Variants in PPM1B observed in about 807,000 individuals in gnomAD.
PPM1B encodes the protein protein phosphatase 1B.
Under a neutral mutation model 43.0 loss-of-function variants are expected in PPM1B, and 22 were observed. The observed-to-expected ratio is 0.51, with a 90% CI of 0.37 to 0.73. The LOEUF is 0.73. Ranked by LOEUF, PPM1B falls within the 30% of genes least tolerant of loss-of-function variation. The pLI, the probability that PPM1B is intolerant of heterozygous loss-of-function variation, is 0.00. For missense variants in PPM1B, 632 were observed against 584.2 expected, an observed-to-expected ratio of 1.08 and a Z score of -0.84; for synonymous variants, 217 against 197.9, an observed-to-expected ratio of 1.10 and a Z score of -0.81.
At chr2:44,193,610 C>T (rs867366894) in intron 1 of PPM1B, among the ~76,000 whole-genome samples, 5 of 140,444 alleles carry the variant, frequency 3.6e-5, no homozygotes, top group Admixed American at 2.3e-4. Context: ...GACAGAGTCT[C>T]GCTCCATTGC....
chr2:44,221,674 G>T (rs1253441041), intron 5 of PPM1B, among the ~76,000 whole-genome samples: 2 of 152,146 alleles, frequency 1.3e-5, no homozygotes, highest in African/African-American at 4.8e-5. Context: ...TTAGACTCCT[G>T]AATGTCTGCT....
chr2:44,198,027 T>G (rs1239360617), intron 1 of PPM1B, among the ~76,000 whole-genome samples: 1 of 152,196 alleles, frequency 6.6e-6, no homozygotes, highest in Non-Finnish European at 1.5e-5. Flanking sequence ...AGGAAGCAGA[T>G]GGGATTGACA....
chr2:44,200,113 A>G (rs1243676900), intron 1 of PPM1B, among the ~76,000 whole-genome samples: 1 of 152,246 alleles, frequency 6.6e-6, no homozygotes, highest in Non-Finnish European at 1.5e-5. Context: ...TTGAGCAGAT[A>G]TAACAGCAAA....
intron 2 of PPM1B, among the ~76,000 whole-genome samples, chr2:44,204,465 C>G (rs1170467022): frequency 6.6e-6 from 1 of 152,106 alleles, no homozygotes; most frequent in East Asian, 1.9e-4. Flanking sequence ...ACTTGTCATA[C>G]TTTCATAATT....
At chr2:44,223,974 CATG>C (rs1243402419) in intron 5 of PPM1B, among the ~76,000 whole-genome samples, 1 of 151,984 alleles carries the variant, frequency 6.6e-6, no homozygotes, top group African/African-American at 2.4e-5. Context: ...TTAAATTTGA[CATG>C]ATTCTTCAAG....
chr2:44,184,719 T>C (rs115489025), intron 1 of PPM1B, among the ~76,000 whole-genome samples: 552 of 152,228 alleles, frequency 3.6e-3, no homozygotes, highest in African/African-American at 0.013. Flanking sequence ...AAATCAGGGA[T>C]TCTTAAGCTG....
intron 5 of PPM1B, among the ~76,000 whole-genome samples, chr2:44,221,536 G>A (rs532064853): frequency 6.6e-6 from 1 of 152,152 alleles, no homozygotes; most frequent in African/African-American, 2.4e-5. Flanking sequence ...ATGAAAGTAT[G>A]CTAGAATTAC....
chr2:44,197,201 G>A (rs1380352546), intron 1 of PPM1B, among the ~76,000 whole-genome samples: 2 of 152,004 alleles, frequency 1.3e-5, no homozygotes, highest in Admixed American at 1.3e-4. Flanking sequence ...GCTCACTGCA[G>A]CCTCAACCTC....
At chr2:44,208,188 T>TA (rs979016143) in intron 2 of PPM1B, among the ~76,000 whole-genome samples, 13 of 152,036 alleles carry the variant, frequency 8.6e-5, no homozygotes, top group Non-Finnish European at 1.6e-4. Context: ...GTGCCCAGTG[T>TA]ATGCTTCCTT....
At chr2:44,190,072 G>A (rs1668330935) in intron 1 of PPM1B, among the ~76,000 whole-genome samples, 1 of 151,966 alleles carries the variant, frequency 6.6e-6, no homozygotes. Flanking sequence ...CTACCATTGG[G>A]CATTGTGGAC....
Position 44,230,625 on chromosome 2 carries a change from G to A in PPM1B, c.1347G>A (p.Met449Ile), listed in dbSNP as rs1276642724. The A allele has an allele frequency of 6.2e-7, 1 of 1,614,056 alleles. No homozygotes were observed. Among genetic ancestry groups the A allele is most frequent in the Non-Finnish European group, 8.5e-7 (1 of 1,180,014 alleles). ...SNSDAGNPVTMQESHTESESG... is the reference protein window; with the variant it reads ...SNSDAGNPVTIQESHTESESG... ...GTGATGCTGGAAACCCAGTGACAATGCAGGAAAGCCATACTGAATCAGAAA... is the reference window on the plus strand; with the variant it reads ...GTGATGCTGGAAACCCAGTGACAATACAGGAAAGCCATACTGAATCAGAAA... The change falls in exon 6 of 6, where the codon ATG becomes ATA. Residue 449 changes from methionine (M) to isoleucine (I), a missense_variant. Coordinates refer to ENST00000282412, the MANE Select transcript of PPM1B (RefSeq NM_002706.6).
chr2:44,210,326 C>T (rs940568848), intron 3 of PPM1B, among the ~76,000 whole-genome samples: 2 of 151,142 alleles, frequency 1.3e-5, no homozygotes, highest in Admixed American at 1.3e-4. Flanking sequence ...AAGTGATCCT[C>T]TCACCTCAGC....
At chr2:44,169,941 TTAAGAG>T (rs60116527) in intron 1 of PPM1B, among the ~76,000 whole-genome samples, 6,787 of 152,212 alleles carry the variant, frequency 0.045, 489 homozygotes, top group African/African-American at 0.15. Context: ...CGGAGCCCCA[TTAAGAG>T]TATAGACTGA....
intron 3 of PPM1B, among the ~76,000 whole-genome samples, chr2:44,210,723 C>A (rs192047342): frequency 6.6e-6 from 1 of 152,156 alleles, no homozygotes; most frequent in Non-Finnish European, 1.5e-5. Context: ...ATTCCCCTGC[C>A]CCCCATATTA....
At chr2:44,210,014 A>G (rs2104179043) in intron 3 of PPM1B, among the ~76,000 whole-genome samples, 1 of 152,238 alleles carries the variant, frequency 6.6e-6, no homozygotes, top group East Asian at 1.9e-4. Flanking sequence ...CATTCCTAGT[A>G]GTAAGTGGAG....
chr2:44,183,556 C>A (rs757732125), intron 1 of PPM1B, among the ~76,000 whole-genome samples: 1 of 152,178 alleles, frequency 6.6e-6, no homozygotes, highest in Non-Finnish European at 1.5e-5. Flanking sequence ...AGGCCTGCCT[C>A]CTCATCACCA....
intron 2 of PPM1B, among the ~76,000 whole-genome samples, chr2:44,205,360 T>G (rs957281790): frequency 2.7e-5 from 4 of 150,858 alleles, no homozygotes; most frequent in Non-Finnish European, 5.9e-5. Context: ...TGTGGGTGTG[T>G]GTGTGTGTGT....
At chr2:44,198,750 C>G (rs1045271507) in intron 1 of PPM1B, among the ~76,000 whole-genome samples, 1 of 152,142 alleles carries the variant, frequency 6.6e-6, no homozygotes, top group African/African-American at 2.4e-5. Flanking sequence ...TGGTTTCGGA[C>G]CAGACCTATG....
intron 1 of PPM1B, among the ~76,000 whole-genome samples, chr2:44,195,411 T>G (rs1003565480): frequency 6.6e-6 from 1 of 152,026 alleles, no homozygotes; most frequent in African/African-American, 2.4e-5. Context: ...AGGGTCTTGC[T>G]ATGTTGCCCA....
Sources: allele counts gnomAD v4.1 joint callset (sites outside exome capture counted in the v4.1 genomes callset), GRCh38; gene constraint gnomAD v4.1.1; transcripts MANE v1.5; gene names NCBI Gene and HGNC (gene_info 2026-07-23, HGNC 2026-07-21).